Variants in GAS7 observed in about 807,000 individuals in gnomAD.
GAS7 encodes the protein growth arrest-specific protein 7.
Under a neutral mutation model 71.1 loss-of-function variants are expected in GAS7, and 28 were observed. The ratio of observed to expected loss-of-function variants is 0.39; its 90% confidence interval spans 0.29 to 0.54. The LOEUF (loss-of-function observed/expected upper bound fraction) is 0.54, where lower values mean the gene tolerates loss of function less well. Ranked by LOEUF, GAS7 falls within the 20% of genes least tolerant of loss-of-function variation. The probability of loss-of-function intolerance (pLI) is 0.62; values close to 1 mark genes in which losing one functional copy is unlikely to be tolerated. For missense variants in GAS7, 436 were observed against 627.8 expected, an observed-to-expected ratio of 0.69 and a Z score of 3.27; for synonymous variants, 258 against 245.8, an observed-to-expected ratio of 1.05 and a Z score of -0.46.
intron 2 of GAS7, among the ~76,000 whole-genome samples, chr17:10,012,899 G>A (rs929613335): frequency 6.6e-6 from 1 of 151,614 alleles, no homozygotes; most frequent in East Asian, 2.0e-4. Context: ...TCAGGAGATC[G>A]AGACCATCCT....
At chr17:10,046,135 T>C (rs2072951281) in intron 1 of GAS7, among the ~76,000 whole-genome samples, 1 of 151,964 alleles carries the variant, frequency 6.6e-6, no homozygotes, top group African/African-American at 2.4e-5. Context: ...CTGGAGATTC[T>C]TTTTTTTAAT....
Position 10,173,061 on chromosome 17 carries a change from C to T in GAS7, c.183+25147G>A, listed in dbSNP as rs536917217. On this transcript the variant is annotated intron_variant, in intron 1 of 13. Coordinates refer to ENST00000432992, the MANE Select transcript of GAS7 (RefSeq NM_201433.2). ...ATGAACCCTGAAGACATCATGTCAACGGAAATAAACCAAATACGAAGTCCA... is the reference window on the plus strand; with the variant it reads ...ATGAACCCTGAAGACATCATGTCAATGGAAATAAACCAAATACGAAGTCCA... Among the ~76,000 whole-genome samples the T allele has an allele frequency of 3.9e-5, 6 of 152,282 alleles. No individual in the cohort carries two copies. The South Asian group carries it at 6.2e-4, about 16-fold the overall frequency.
chr17:10,010,727 T>C (rs2152188846), intron 2 of GAS7, among the ~76,000 whole-genome samples: 1 of 152,352 alleles, frequency 6.6e-6, no homozygotes, highest in Non-Finnish European at 1.5e-5. Context: ...CAAAATCATC[T>C]ATCATAAAGC....
At chr17:10,019,998 A>AATT in intron 1 of GAS7, 101 bp from the exon 2 acceptor site, 1 of 1,174,840 alleles carries the variant, frequency 8.5e-7, no homozygotes, top group South Asian at 1.3e-5. Context: ...CAGTAGCGTG[A>AATT]CATTGGGAAG....
chr17:10,008,788 C>G (rs888310807), intron 2 of GAS7, among the ~76,000 whole-genome samples: 18 of 152,110 alleles, frequency 1.2e-4, no homozygotes, highest in African/African-American at 4.3e-4. Context: ...CTCTCTCTCA[C>G]ACACACACGC....
At chr17:10,025,218 T>G in intron 1 of GAS7, among the ~76,000 whole-genome samples, 1 of 152,006 alleles carries the variant, frequency 6.6e-6, no homozygotes, top group East Asian at 1.9e-4. Flanking sequence ...GCCTGGGCAA[T>G]GGAGCAAGAC....
intron 1 of GAS7, among the ~76,000 whole-genome samples, chr17:10,165,291 CAAAAAAA>C (rs71365731): frequency 7.7e-5 from 6 of 77,662 alleles, no homozygotes; most frequent in South Asian, 4.7e-4. Context: ...GATTCCTTCT[CAAAAAAA>C]AAAAAAAAAA....
At chr17:10,178,638 G>A (rs905300213) in intron 1 of GAS7, among the ~76,000 whole-genome samples, 1 of 144,068 alleles carries the variant, frequency 6.9e-6, no homozygotes, top group Non-Finnish European at 1.5e-5. Context: ...AATCTGGCTA[G>A]AGGGACAGGC....
chr17:10,104,090 T>A (rs983888744), intron 1 of GAS7, among the ~76,000 whole-genome samples: 2 of 152,164 alleles, frequency 1.3e-5, no homozygotes, highest in African/African-American at 4.8e-5. Flanking sequence ...CATTTCCTTC[T>A]CCTAACAGAA....
chr17:9,999,515 CT>C (rs1401789558), intron 2 of GAS7, among the ~76,000 whole-genome samples: 11 of 135,196 alleles, frequency 8.1e-5, no homozygotes, highest in African/African-American at 3.8e-4. Flanking sequence ...AAGACTTTGC[CT>C]CAAAAAAAAA....
chr17:10,127,516 C>T (rs1363121615), intron 1 of GAS7, among the ~76,000 whole-genome samples: 1 of 152,148 alleles, frequency 6.6e-6, no homozygotes, highest in Non-Finnish European at 1.5e-5. Flanking sequence ...TCAAACAGTC[C>T]CACCCAGCAG....
At chr17:10,022,309 C>T (rs1016038241) in intron 1 of GAS7, among the ~76,000 whole-genome samples, 4 of 152,138 alleles carry the variant, frequency 2.6e-5, no homozygotes, top group African/African-American at 9.7e-5. Context: ...GAAAGAGATT[C>T]TAGAACCAGA....
At chr17:10,137,284 T>G (rs529309400) in intron 1 of GAS7, among the ~76,000 whole-genome samples, 11 of 152,214 alleles carry the variant, frequency 7.2e-5, no homozygotes, top group African/African-American at 2.6e-4. Flanking sequence ...CCCTCTCCAT[T>G]AAGTTCTCTG....
intron 2 of GAS7, among the ~76,000 whole-genome samples, 189 bp from the exon 3 acceptor site, chr17:9,982,073 GC>G (rs1010523766): frequency 1.8e-4 from 28 of 152,128 alleles, no homozygotes; most frequent in Admixed American, 1.6e-3. Context: ...CCTGGCCCCT[GC>G]CCCCTTCCAC....
chr17:9,911,052 G>A lies in GAS7; in HGVS notation c.*6176C>T, dbSNP rs528752893. The A allele has an allele frequency of 4.5e-4, 105 of 233,126 alleles. No individual in the cohort carries two copies. Among genetic ancestry groups the A allele is most frequent in the East Asian group, 2.8e-3 (47 of 16,540 alleles). 14.4% of individuals were successfully genotyped at this position (233,126 alleles called of 1,614,324 possible). A position where few individuals can be genotyped will look rare whatever the true frequency, so the allele number is the denominator to read the frequency against. ...TCGTGTCTGTGAAGGGGTTGCTTCC[G>A]GTCATCTCCTTCCTAACGGAAGGGA... On this transcript the variant is annotated 3_prime_UTR_variant, in exon 14 of 14. Transcript: ENST00000432992. This position sits in a 1 kb window ranked among gnomAD's most constrained non-coding sequence, Gnocchi z 4.0.
At chr17:10,084,428 C>T (rs1195662233) in intron 1 of GAS7, among the ~76,000 whole-genome samples, 1 of 152,154 alleles carries the variant, frequency 6.6e-6, no homozygotes, top group East Asian at 1.9e-4. Context: ...AAGATCACTA[C>T]AGCAGATACC....
At chr17:10,041,607 G>A (rs556280195) in intron 1 of GAS7, among the ~76,000 whole-genome samples, 3 of 152,314 alleles carry the variant, frequency 2.0e-5, no homozygotes, top group East Asian at 1.9e-4. Context: ...GAGTATGGAA[G>A]ACTCACGAAT....
chr17:10,117,657 A>G (rs1256896428), intron 1 of GAS7, among the ~76,000 whole-genome samples: 4 of 152,088 alleles, frequency 2.6e-5, no homozygotes, highest in Admixed American at 1.3e-4. Context: ...CTCTGCCGAC[A>G]TGGGGCACCA....
chr17:10,121,612 T>C (rs139026727), intron 1 of GAS7, among the ~76,000 whole-genome samples: 1 of 152,302 alleles, frequency 6.6e-6, no homozygotes, highest in Non-Finnish European at 1.5e-5. Flanking sequence ...GAAAATCATA[T>C]TATGTAAATG....
Sources: allele counts gnomAD v4.1 joint callset (sites outside exome capture counted in the v4.1 genomes callset), GRCh38; gene constraint gnomAD v4.1.1; non-coding constraint Gnocchi (gnomAD v3.1); transcripts MANE v1.5; gene names NCBI Gene and HGNC (gene_info 2026-07-23, HGNC 2026-07-21).